Variants in MAP3K10 observed in about 807,000 individuals in gnomAD.
The protein encoded by MAP3K10 is MKN28 derived nonreceptor_type serine/threonine kinase.
In MAP3K10, 22 loss-of-function variants were observed where a neutral mutation model predicts 75.0. The observed-to-expected ratio is 0.29, with a 90% CI of 0.21 to 0.42. The LOEUF (loss-of-function observed/expected upper bound fraction) is 0.42, where lower values mean the gene tolerates loss of function less well. MAP3K10 is among the 10% of genes least tolerant of loss of function. MAP3K10 has a pLI of 1.00. For synonymous variants in MAP3K10, 599 were observed against 612.9 expected (o/e 0.98, Z 0.34); for missense variants, 1,165 against 1,379.8 (o/e 0.84, Z 2.47).
At chr19:40,195,536 C>A (rs1226614590) in intron 1 of MAP3K10, among the ~76,000 whole-genome samples, 1 of 123,334 alleles carries the variant, frequency 8.1e-6, no homozygotes, top group African/African-American at 3.0e-5. Flanking sequence ...CTCTGTGACC[C>A]AGGCTGGAGT....
chr19:40,205,008 C>T lies in MAP3K10; in HGVS notation c.1013-113C>T. On this transcript the variant is annotated intron_variant, in intron 3 of 9. Coordinates refer to ENST00000253055, the MANE Select transcript of MAP3K10 (RefSeq NM_002446.4). The surrounding 1 kb of genome is among the most constrained non-coding windows in gnomAD (Gnocchi z 4.3). ...TCCCTTCCCCTCAGCTCCATAGCAG[C>T]TGTTTGTCTGCCATCCCCAGAAATT... 1 of 947,216 alleles carries T rather than the reference C, an allele frequency of 1.1e-6. No homozygotes were observed. Among genetic ancestry groups the T allele is most frequent in the Admixed American group, 1.9e-5 (1 of 52,814 alleles). The allele number at this position is 947,216 out of a possible 1,614,324, so 58.7% of individuals were successfully genotyped here.
rs1398593042 is a variant in MAP3K10, at chr19:40,214,983, T to G, written c.2556T>G (p.Leu852=). Residue 852 remains leucine (L), a synonymous_variant, in exon 10 of 10, where the codon CTT becomes CTG. Coordinates refer to ENST00000253055, the MANE Select transcript of MAP3K10 (RefSeq NM_002446.4). ...CTCTCTTACCAGGCCCTCGTGACCT[T>G]CTGGACTTCCCCCGCCTGCCCGACC... The part of the protein sequence containing the change: ...PAGHGPGPRD[L]LDFPRLPDPQ... 1.9e-6 allele frequency: 3 copies of G among 1,570,760 alleles called. No individual in the cohort carries two copies. The highest frequency in any genetic ancestry group is 2.6e-6 in the Non-Finnish European group (3 of 1,150,238).
Position 40,215,057 on chromosome 19 carries a change from G to T in MAP3K10, c.2630G>T (p.Arg877Leu). Reference protein sequence around the residue: ...ARRRPPEFPGRPTTLTFAPRP... With the variant: ...ARRRPPEFPGLPTTLTFAPRP... ...CGCCGGCCCCCTGAGTTCCCAGGCC[G>T]CCCCACCACCCTGACCTTTGCCCCG... The change falls in exon 10 of 10, where the codon CGC (arginine) becomes CTC (leucine). Residue 877 changes from arginine (R) to leucine (L), a missense_variant. Physicochemically the swap from Arg to Leu is moderately radical, Grantham distance 102. Transcript: ENST00000253055. The T allele has an allele frequency of 6.6e-7, 1 of 1,524,282 alleles. No individual in the cohort carries two copies. 94.4% of individuals were successfully genotyped at this position (1,524,282 alleles called of 1,614,324 possible).
rs748129608 is a variant in MAP3K10, at chr19:40,204,557, G to A, written c.936G>A (p.Ala312=). ...GTGAGATCGACGCCTTGGCCGTGGC[G>A]TATGGCGTGGCTATGAATAAGCTGA... ...PYREIDALAV[A]YGVAMNKLTL... The change falls in exon 3 of 10, where the codon GCG becomes GCA. Residue 312 remains alanine (A), a synonymous_variant. Coordinates refer to ENST00000253055, the MANE Select transcript of MAP3K10 (RefSeq NM_002446.4). The surrounding 1 kb of genome is among the most constrained non-coding windows in gnomAD (Gnocchi z 4.3). 34 of 1,614,030 alleles carry A rather than the reference G, an allele frequency of 2.1e-5. No individual in the cohort carries two copies. The highest frequency in any genetic ancestry group is 1.1e-4 in the South Asian group (10 of 91,080).
At chr19:40,194,355 C>T (rs1016044100) in intron 1 of MAP3K10, among the ~76,000 whole-genome samples, 9 of 150,532 alleles carry the variant, frequency 6.0e-5, no homozygotes, top group East Asian at 1.9e-4. Flanking sequence ...AAGATTCCAT[C>T]GCAAAAAAAA....
At chr19:40,196,599 AC>A (rs1285859871) in intron 1 of MAP3K10, among the ~76,000 whole-genome samples, 1 of 152,092 alleles carries the variant, frequency 6.6e-6, no homozygotes, top group African/African-American at 2.4e-5. Flanking sequence ...GCTCACTGCA[AC>A]CTCTGCCTCC....
intron 6 of MAP3K10, among the ~76,000 whole-genome samples, chr19:40,210,937 C>G (rs903678607): frequency 6.6e-6 from 1 of 152,202 alleles, no homozygotes. Flanking sequence ...GATTGAAATG[C>G]TAATCATCCA....
Position 40,213,707 on chromosome 19 carries a change from A to G in MAP3K10, c.2028A>G (p.Leu676=). 1 of 1,078,006 alleles carries G rather than the reference A, an allele frequency of 9.3e-7. No individual in the cohort carries two copies. The highest frequency in any genetic ancestry group is 1.1e-6 in the Non-Finnish European group (1 of 888,604). The allele number at this position is 1,078,006 out of a possible 1,614,324, so 66.8% of individuals were successfully genotyped here. Residue 676 remains leucine, a synonymous_variant, in exon 9 of 10, where the codon CTA becomes CTG. Transcript: ENST00000253055. This position sits in a 1 kb window ranked among gnomAD's most constrained non-coding sequence, Gnocchi z 5.7. ...GGCGGCGCTGCGACCTGGCGCTGCT[A>G]GGCTGCGCCACGCTGCTGGGGGCTG... is the stretch of plus-strand genomic sequence containing the variant. The part of the protein sequence containing the change: ...GARRRCDLAL[L]GCATLLGAVG...
chr19:40,214,908 T>TG (rs1197129626), intron 9 of MAP3K10, 62 bp from the exon 10 acceptor site: 5 of 751,988 alleles, frequency 6.6e-6, no homozygotes, highest in Non-Finnish European at 1.1e-5. Flanking sequence ...GTAACAGCTC[T>TG]GGGCTTTTTA....
intron 5 of MAP3K10, among the ~76,000 whole-genome samples, chr19:40,206,829 C>G (rs1248706859): frequency 1.3e-5 from 2 of 152,184 alleles, no homozygotes; most frequent in Non-Finnish European, 2.9e-5. Flanking sequence ...TGCAGTGGCT[C>G]ACGCCTGTAA....
In MAP3K10 at chr19:40,201,492, CTTT is replaced by C. The variant is rs36045799; in HGVS notation, c.863+2955_863+2957del. The stretch of plus-strand genomic sequence containing the variant: ...ACAGGCGTCAGCCACCGCACCCAGC[CTTT>C]TTTTTTTTTTTTTTTTTAACAGGGT... On this transcript the variant is annotated intron_variant, in intron 2 of 9. Transcript: ENST00000253055. Among the ~76,000 whole-genome samples, 81 of 113,324 alleles carry C rather than the reference CTTT, an allele frequency of 7.1e-4. 1 individual carries two copies. The highest frequency in any genetic ancestry group is 9.2e-4 in the Admixed American group (10 of 10,910). The allele number at this position is 113,324 out of a possible 152,430, so 74.3% of individuals were successfully genotyped here. A position where few individuals can be genotyped will look rare whatever the true frequency, so the allele number is the denominator to read the frequency against.
At chr19:40,206,863 G>A (rs1277592693) in intron 5 of MAP3K10, among the ~76,000 whole-genome samples, 2 of 152,174 alleles carry the variant, frequency 1.3e-5, no homozygotes, top group African/African-American at 4.8e-5. Context: ...GGAGGCCAAA[G>A]TGCGTAGATC....
chr19:40,201,491 C>CA (rs1973019249), intron 2 of MAP3K10, among the ~76,000 whole-genome samples: 3 of 90,226 alleles, frequency 3.3e-5, no homozygotes, highest in Non-Finnish European at 6.2e-5. Flanking sequence ...CCGCACCCAG[C>CA]CTTTTTTTTT....
chr19:40,201,200 T>C (rs1599904093), intron 2 of MAP3K10, among the ~76,000 whole-genome samples: 1 of 143,682 alleles, frequency 7.0e-6, no homozygotes, highest in South Asian at 2.2e-4. Context: ...TGAGCTGGAG[T>C]CTTGCTCTGT....
At chr19:40,193,320 T>G (rs1222042946) in intron 1 of MAP3K10, among the ~76,000 whole-genome samples, 1 of 152,228 alleles carries the variant, frequency 6.6e-6, no homozygotes, top group Non-Finnish European at 1.5e-5. Context: ...CCTGGAGTCT[T>G]CATAGGCCGA....
At chr19:40,197,703 C>T (rs1972933655) in intron 1 of MAP3K10, among the ~76,000 whole-genome samples, 1 of 152,088 alleles carries the variant, frequency 6.6e-6, no homozygotes, top group Non-Finnish European at 1.5e-5. Context: ...GAATTGGGAC[C>T]CTGACTGCAG....
Position 40,205,449 on chromosome 19 carries a change from G to T in MAP3K10, c.1188+153G>T, listed in dbSNP as rs893825135. The T allele has an allele frequency of 4.0e-6, 3 of 743,134 alleles. No homozygotes were observed. Among genetic ancestry groups the T allele is most frequent in the African/African-American group, 3.5e-5 (2 of 56,400 alleles). 46.0% of individuals were successfully genotyped at this position (743,134 alleles called of 1,614,324 possible). A position where few individuals can be genotyped will look rare whatever the true frequency, so the allele number is the denominator to read the frequency against. On this transcript the variant is annotated intron_variant, in intron 4 of 9. Transcript: ENST00000253055. The surrounding 1 kb of genome is among the most constrained non-coding windows in gnomAD (Gnocchi z 4.3). ...GCATATTAAGAAAAGACAGCCTCCT[G>T]TTGGTGGATTAATAAGAAAAAGGCA...
At chr19:40,208,363 T>TTTTTTTTTTTTTTTA (rs1555756664) in intron 5 of MAP3K10, among the ~76,000 whole-genome samples, 40 of 111,922 alleles carry the variant, frequency 3.6e-4, no homozygotes, top group Non-Finnish European at 5.7e-4. Flanking sequence ...TTTTTTTTTT[T>TTTTTTTTTTTTTTTA]TTTTTTGTAT....
At chr19:40,197,301 G>C (rs1022224277) in intron 1 of MAP3K10, among the ~76,000 whole-genome samples, 28 of 152,000 alleles carry the variant, frequency 1.8e-4, no homozygotes, top group African/African-American at 6.8e-4. Context: ...CCAGAGTCAG[G>C]GTGCACTCTG....
Sources: allele counts gnomAD v4.1 joint callset (sites outside exome capture counted in the v4.1 genomes callset), GRCh38; gene constraint gnomAD v4.1.1; non-coding constraint Gnocchi (gnomAD v3.1); transcripts MANE v1.5; gene names NCBI Gene and HGNC (gene_info 2026-07-23, HGNC 2026-07-21).